Variants in PCDHB15 observed in about 807,000 individuals in gnomAD.
PCDHB15 encodes the protein protocadherin beta 15.
For missense variants in PCDHB15, 1,032 were observed against 991.7 expected (o/e 1.04, Z -0.55); for synonymous variants, 492 against 447.9 (o/e 1.10, Z -1.24).
Position 141,245,771 on chromosome 5 carries a change from C to T in PCDHB15, c.193C>T (p.Arg65Trp), listed in dbSNP as rs1344952805. The change falls in exon 1 of 1, where the codon CGG becomes TGG. Residue 65 changes from arginine (R) to tryptophan (W), a missense_variant. By Grantham distance (101) the Arg-to-Trp change is moderately radical. Coordinates refer to ENST00000231173, the MANE Select transcript of PCDHB15 (RefSeq NM_018935.4). Reference sequence around the variant, plus strand: ...GGGGGAGCTAGCCGAGCGGGGAGCCCGGGTAGTTTCTGAGGATAACGAACA... The same window carrying T: ...GGGGGAGCTAGCCGAGCGGGGAGCCTGGGTAGTTTCTGAGGATAACGAACA... ...GVGELAERGA[R>W]VVSEDNEQGL... 10 of 1,614,020 alleles carry T rather than the reference C, an allele frequency of 6.2e-6. No individual in the cohort carries two copies. Among genetic ancestry groups the T allele is most frequent in the Non-Finnish European group, 8.5e-6 (10 of 1,180,042 alleles).
At position 141,246,685 on chromosome 5, in the gene PCDHB15, G is replaced by C; in HGVS notation, c.1107G>C (p.Arg369Ser). 5 of 1,614,128 alleles carry C rather than the reference G, an allele frequency of 3.1e-6. No homozygotes were observed. In the South Asian group the frequency reaches 5.5e-5, roughly 18 times the overall value. ...CAGAGACAGAAGTGGCCCTGTTTAG[G>C]ATTAGAGACCGAGACTCTGGGGAAA... ...NSPETEVALF[R>S]IRDRDSGENG... Residue 369 changes from arginine to serine, a missense_variant, in exon 1 of 1, where the codon AGG (arginine) becomes AGC (serine). Transcript: ENST00000231173.
chr5:141,247,259 G>A lies in PCDHB15; in HGVS notation c.1681G>A (p.Val561Met), dbSNP rs1450297271. ...GGACGCCAACGACAACTCGCCCTTC[G>A]TGCTGTACCCGCTGCAGAACGGCTC... ...VLDANDNSPFVLYPLQNGSAP... is the reference protein window; with the variant it reads ...VLDANDNSPFMLYPLQNGSAP... The change falls in exon 1 of 1, where the codon GTG becomes ATG. Residue 561 changes from valine (V) to methionine (M), a missense_variant. By Grantham distance (21) the Val-to-Met change is conservative. Transcript: ENST00000231173. The A allele has an allele frequency of 2.0e-5, 33 of 1,611,210 alleles. No individual in the cohort carries two copies. The highest frequency in any genetic ancestry group is 2.7e-5 in the Non-Finnish European group (32 of 1,179,590).
At position 141,245,540 on chromosome 5, in the gene PCDHB15, G is replaced by A. The variant is rs371411576; in HGVS notation, c.-39G>A. 2 of 1,579,720 alleles carry A rather than the reference G, an allele frequency of 1.3e-6. No individual in the cohort carries two copies. The highest frequency in any genetic ancestry group is 2.2e-5 in the East Asian group (1 of 44,596). ...TCCCATCGCTCCCTGAAGTAGCTCT[G>A]ACTCCGGTTCCTTGAAAGGGGCGTG... On this transcript the variant is annotated 5_prime_UTR_variant, in exon 1 of 1. Transcript: ENST00000231173.
In PCDHB15 at chr5:141,248,780, C is replaced by A. The variant is rs1755337687; in HGVS notation, c.*838C>A. On this transcript the variant is annotated 3_prime_UTR_variant, in exon 1 of 1. Coordinates refer to ENST00000231173, the MANE Select transcript of PCDHB15 (RefSeq NM_018935.4). ...GGGCTTAGAGGAGCTTCTGATGGTACAGTATGCCAACATCTACTTGTTTTG... is the reference window on the plus strand; with the variant it reads ...GGGCTTAGAGGAGCTTCTGATGGTAAAGTATGCCAACATCTACTTGTTTTG... The A allele has an allele frequency of 6.6e-6, 1 of 152,122 alleles. No individual in the cohort carries two copies. The highest frequency in any genetic ancestry group is 2.4e-5 in the African/African-American group (1 of 41,416). The allele number at this position is 152,122 out of a possible 1,614,324, so 9.4% of individuals were successfully genotyped here.
chr5:141,247,078 C>A lies in PCDHB15; in HGVS notation c.1500C>A (p.Leu500=), dbSNP rs61742733. Residue 500 remains leucine, a synonymous_variant, in exon 1 of 1, where the codon CTC becomes CTA. Coordinates refer to ENST00000231173, the MANE Select transcript of PCDHB15 (RefSeq NM_018935.4). ...CGCCCCGGGACCCGCACCTGCCCCT[C>A]ACCTCCCTGGTCTCCATTAACACGG... ...LLPPRDPHLP[L]TSLVSINTDN... is the part of the protein sequence containing the mutation. 5.8e-4 allele frequency: 931 copies of A among 1,614,028 alleles called. 4 individuals carry two copies. The African/African-American group carries it at 0.01, about 18-fold the overall frequency.
In PCDHB15 at chr5:141,245,717, A is replaced by C; in HGVS notation, c.139A>C (p.Asn47His). 6.2e-7 allele frequency: 1 copy of C among 1,614,196 alleles called. No individual in the cohort carries two copies. The highest frequency in any genetic ancestry group is 1.3e-5 in the African/African-American group (1 of 75,066). The change falls in exon 1 of 1, where the codon AAC becomes CAC. Residue 47 changes from asparagine to histidine, a missense_variant. By Grantham distance (68) the Asn-to-His change is moderately conservative. Transcript: ENST00000231173. ...EETERGSFVA[N>H]LANDLGLGVG... The stretch of plus-strand genomic sequence containing the variant: ...AACAGAGAGAGGTTCTTTTGTAGCC[A>C]ACCTGGCCAATGACCTAGGGCTGGG...
In PCDHB15 at chr5:141,245,620, C is replaced by G. The variant is rs781833471; in HGVS notation, c.42C>G (p.Val14=). The stretch of plus-strand genomic sequence containing the variant: ...AGCGCTTTCCCGAACAAAGGCAAGT[C>G]CTGATTCTCCTTCTTTTACTGGAAG... The part of the protein sequence containing the change: ...AGERFPEQRQ[V]LILLLLLEVT... The change falls in exon 1 of 1, where the codon GTC becomes GTG. Residue 14 remains valine, a synonymous_variant. Transcript: ENST00000231173. The G allele has an allele frequency of 1.9e-6, 3 of 1,614,208 alleles. No homozygotes were observed. The highest frequency in any genetic ancestry group is 3.3e-5 in the Admixed American group (2 of 60,028).
Position 141,246,728 on chromosome 5 carries a change from T to A in PCDHB15, c.1150T>A (p.Ser384Thr). ...TGGGGAAAATGGAAAAATGATTTGC[T>A]CAATTCAGGATGATGTTCCTTTTAA... ...DSGENGKMIC[S>T]IQDDVPFKLK... The change falls in exon 1 of 1, where the codon TCA becomes ACA. Residue 384 changes from serine to threonine, a missense_variant. Coordinates refer to ENST00000231173, the MANE Select transcript of PCDHB15 (RefSeq NM_018935.4). 1 of 1,613,796 alleles carries A rather than the reference T, an allele frequency of 6.2e-7. No homozygotes were observed. The highest frequency in any genetic ancestry group is 8.5e-7 in the Non-Finnish European group (1 of 1,179,736).
Position 141,247,660 on chromosome 5 carries a change from G to C in PCDHB15, c.2082G>C (p.Leu694Phe). Residue 694 changes from leucine (L) to phenylalanine (F), a missense_variant, in exon 1 of 1, where the codon TTG becomes TTC. Coordinates refer to ENST00000231173, the MANE Select transcript of PCDHB15 (RefSeq NM_018935.4). Reference protein sequence around the residue: ...DSLTVYLVVALASVSSLFLFS... With the variant: ...DSLTVYLVVAFASVSSLFLFS... Reference sequence around the variant, plus strand: ...TTACCGTCTACCTGGTGGTGGCATTGGCCTCGGTGTCTTCGCTCTTCCTCT... The same window carrying C: ...TTACCGTCTACCTGGTGGTGGCATTCGCCTCGGTGTCTTCGCTCTTCCTCT... The C allele has an allele frequency of 1.9e-6, 3 of 1,610,364 alleles. No homozygotes were observed. The highest frequency in any genetic ancestry group is 2.2e-5 in the South Asian group (2 of 91,022).
Position 141,247,102 on chromosome 5 carries a change from G to C in PCDHB15, c.1524G>C (p.Thr508=). Residue 508 remains threonine (T), a synonymous_variant, in exon 1 of 1, where the codon ACG becomes ACC. Transcript: ENST00000231173. The part of the protein sequence containing the change: ...LPLTSLVSIN[T]DNGHLFALQS... ...TCACCTCCCTGGTCTCCATTAACAC[G>C]GACAACGGCCACCTGTTCGCTCTCC... The C allele has an allele frequency of 6.2e-7, 1 of 1,613,968 alleles. No homozygotes were observed. The highest frequency in any genetic ancestry group is 2.2e-5 in the East Asian group (1 of 44,882).
In PCDHB15 at chr5:141,249,205, G is replaced by A. The variant is rs541148161; in HGVS notation, c.*1263G>A. The A allele has an allele frequency of 3.3e-5, 5 of 152,322 alleles. No individual in the cohort carries two copies. The highest frequency in any genetic ancestry group is 5.9e-5 in the Non-Finnish European group (4 of 68,048). The allele number at this position is 152,322 out of a possible 1,614,324, so 9.4% of individuals were successfully genotyped here. ...CCATAAAAGCAGAGTTGAGTCTTCC[G>A]TGAGATGAAAATAAATTTTGTTTAA... On this transcript the variant is annotated 3_prime_UTR_variant, in exon 1 of 1. Transcript: ENST00000231173.
chr5:141,245,686 G>A lies in PCDHB15; in HGVS notation c.108G>A (p.Met36Ile). ...GGGAACCCCGTCGCTATTCTGTGAT[G>A]GAGGAAACAGAGAGAGGTTCTTTTG... is the stretch of plus-strand genomic sequence containing the variant. Reference protein sequence around the residue: ...AGWEPRRYSVMEETERGSFVA... With the variant: ...AGWEPRRYSVIEETERGSFVA... Residue 36 changes from methionine (M) to isoleucine (I), a missense_variant, in exon 1 of 1, where the codon ATG becomes ATA. Transcript: ENST00000231173. The A allele has an allele frequency of 6.2e-7, 1 of 1,614,188 alleles. No homozygotes were observed. The highest frequency in any genetic ancestry group is 8.5e-7 in the Non-Finnish European group (1 of 1,180,014).
chr5:141,247,377 C>A lies in PCDHB15; in HGVS notation c.1799C>A (p.Ala600Asp). 6.2e-7 allele frequency: 1 copy of A among 1,605,298 alleles called. No homozygotes were observed. The highest frequency in any genetic ancestry group is 8.5e-7 in the Non-Finnish European group (1 of 1,178,818). The change falls in exon 1 of 1, where the codon GCC becomes GAC. Residue 600 changes from alanine to aspartate, a missense_variant. By Grantham distance (126) the Ala-to-Asp change is moderately radical (BLOSUM62 -2). Transcript: ENST00000231173. ...GTGGACGGCGACTCGGGCCAGAACG[C>A]CTGGCTGTCGTACCAGCTGCTCAAG... ...VAVDGDSGQN[A>D]WLSYQLLKAT... is the part of the protein sequence containing the mutation.
In PCDHB15 at chr5:141,247,967, C is replaced by A. The variant is rs1554292379; in HGVS notation, c.*25C>A. ...ATGTAGGTATCTGTAGCTTTCCGAC[C>A]GTCTGTTAATTTTGTCTTCCTCACT... is the stretch of plus-strand genomic sequence containing the variant. On this transcript the variant is annotated 3_prime_UTR_variant, in exon 1 of 1. Transcript: ENST00000231173. 1.3e-6 allele frequency: 2 copies of A among 1,531,712 alleles called. No individual in the cohort carries two copies. The highest frequency in any genetic ancestry group is 2.3e-5 in the East Asian group (1 of 44,028). The allele number at this position is 1,531,712 out of a possible 1,614,324, so 94.9% of individuals were successfully genotyped here.
At position 141,246,119 on chromosome 5, in the gene PCDHB15, T is replaced by A. The variant is rs191351513; in HGVS notation, c.541T>A (p.Ser181Thr). Residue 181 changes from serine to threonine, a missense_variant, in exon 1 of 1, where the codon TCC (serine) becomes ACC (threonine). Coordinates refer to ENST00000231173, the MANE Select transcript of PCDHB15 (RefSeq NM_018935.4). ...NISPNSHFHV[S>T]TRTRGDGRKY... ...TTCTCCCAATTCTCATTTCCATGTTTCCACTCGCACCCGAGGGGATGGCAG... is the reference window on the plus strand; with the variant it reads ...TTCTCCCAATTCTCATTTCCATGTTACCACTCGCACCCGAGGGGATGGCAG... The A allele has an allele frequency of 2.5e-6, 4 of 1,614,166 alleles. No individual in the cohort carries two copies. Among genetic ancestry groups the A allele is most frequent in the Non-Finnish European group, 3.4e-6 (4 of 1,180,022 alleles).
chr5:141,247,188 G>A lies in PCDHB15; in HGVS notation c.1610G>A (p.Gly537Asp), dbSNP rs782431048. 3 of 1,612,906 alleles carry A rather than the reference G, an allele frequency of 1.9e-6. No homozygotes were observed. In the Admixed American group the frequency reaches 5.0e-5, roughly 27 times the overall value. Residue 537 changes from glycine (G) to aspartate (D), a missense_variant, in exon 1 of 1, where the codon GGC becomes GAC. Coordinates refer to ENST00000231173, the MANE Select transcript of PCDHB15 (RefSeq NM_018935.4). ...FEFRVGATDR[G>D]FPALSSEALV... is the part of the protein sequence containing the mutation. ...TTCCGCGTGGGCGCCACAGACCGCGGCTTCCCGGCGCTGAGCAGCGAGGCG... is the reference window on the plus strand; with the variant it reads ...TTCCGCGTGGGCGCCACAGACCGCGACTTCCCGGCGCTGAGCAGCGAGGCG...
At position 141,247,434 on chromosome 5, in the gene PCDHB15, C is replaced by A. The variant is rs17844634; in HGVS notation, c.1856C>A (p.Ala619Glu). The A allele has an allele frequency of 2.5e-6, 4 of 1,606,494 alleles. No individual in the cohort carries two copies. The highest frequency in any genetic ancestry group is 2.5e-6 in the Non-Finnish European group (3 of 1,179,590). Residue 619 changes from alanine (A) to glutamate (E), a missense_variant, in exon 1 of 1, where the codon GCG becomes GAG. By Grantham distance (107) the Ala-to-Glu change is moderately radical (BLOSUM62 -1). Coordinates refer to ENST00000231173, the MANE Select transcript of PCDHB15 (RefSeq NM_018935.4). ...GAGCCCGGGCTGTTCGGCGTGTGGG[C>A]GCACAATGGCGAGGTGCGCACCGCC... ...ATEPGLFGVWAHNGEVRTARL... is the reference protein window; with the variant it reads ...ATEPGLFGVWEHNGEVRTARL...
At position 141,246,514 on chromosome 5, in the gene PCDHB15, G is replaced by A. The variant is rs782334128; in HGVS notation, c.936G>A (p.Met312Ile). 6.2e-7 allele frequency: 1 copy of A among 1,614,148 alleles called. No homozygotes were observed. The highest frequency in any genetic ancestry group is 1.1e-5 in the South Asian group (1 of 91,082). ...RLIKKLDFETMSSYDLDIEAS... is the reference protein window; with the variant it reads ...RLIKKLDFETISSYDLDIEAS... Reference sequence around the variant, plus strand: ...TTAAAAAACTAGATTTTGAGACAATGTCTTCGTATGATCTAGATATAGAGG... The same window carrying A: ...TTAAAAAACTAGATTTTGAGACAATATCTTCGTATGATCTAGATATAGAGG... Residue 312 changes from methionine to isoleucine, a missense_variant, in exon 1 of 1, where the codon ATG (methionine) becomes ATA (isoleucine). By Grantham distance (10) the Met-to-Ile change is conservative. Transcript: ENST00000231173.
rs1755326724 is a variant in PCDHB15 at position 141,248,060 on chromosome 5, G to A, written c.*118G>A. 1 of 961,450 alleles carries A rather than the reference G, an allele frequency of 1.0e-6. No homozygotes were observed. The highest frequency in any genetic ancestry group is 1.5e-6 in the Non-Finnish European group (1 of 671,796). 59.6% of individuals were successfully genotyped at this position (961,450 alleles called of 1,614,324 possible). A position where few individuals can be genotyped will look rare whatever the true frequency, so the allele number is the denominator to read the frequency against. ...TACTTTTTTTTAAATTTCTACTGTTGTCTTTAGTAATGTTACTCATTTCCT... is the reference window on the plus strand; with the variant it reads ...TACTTTTTTTTAAATTTCTACTGTTATCTTTAGTAATGTTACTCATTTCCT... On this transcript the variant is annotated 3_prime_UTR_variant, in exon 1 of 1. Transcript: ENST00000231173.
Sources: allele counts gnomAD v4.1 joint callset, GRCh38; gene constraint gnomAD v4.1.1; transcripts MANE v1.5; gene names NCBI Gene and HGNC (gene_info 2026-07-23, HGNC 2026-07-21).